RAB31: variants seen among roughly 807,000 people sequenced by gnomAD.
RAB31 encodes the protein ras-related protein Rab-31.
Under a neutral mutation model 25.6 loss-of-function variants are expected in RAB31, and 21 were observed. The ratio of observed to expected loss-of-function variants is 0.82; its 90% CI spans 0.58 to 1.18. The LOEUF is 1.18. RAB31 is among the 50% of genes most tolerant of loss of function. RAB31 has a pLI of 0.00. For synonymous variants in RAB31, 87 were observed against 84.0 expected, an observed-to-expected ratio of 1.04 and a Z score of -0.20; for missense variants, 196 against 250.1, an observed-to-expected ratio of 0.78 and a Z score of 1.46.
intron 1 of RAB31, among the ~76,000 whole-genome samples, chr18:9,716,104 A>C (rs961560541): frequency 5.9e-5 from 9 of 152,088 alleles, no homozygotes; most frequent in Admixed American, 3.3e-4. Flanking sequence ...CATGTATTTC[A>C]TTTGGTTGTC....
chr18:9,813,402 T>C (rs943920103), intron 3 of RAB31, among the ~76,000 whole-genome samples: 3 of 152,210 alleles, frequency 2.0e-5, no homozygotes, highest in South Asian at 4.1e-4. Flanking sequence ...CAGTCAGTTA[T>C]ATTAGAGAAA....
At chr18:9,796,648 G>A (rs1020515127) in intron 3 of RAB31, among the ~76,000 whole-genome samples, 7 of 151,834 alleles carry the variant, frequency 4.6e-5, no homozygotes, top group Non-Finnish European at 7.4e-5. Flanking sequence ...AACTTCTTTC[G>A]TATTTTTTAG....
At chr18:9,740,130 G>C (rs896636985) in intron 1 of RAB31, among the ~76,000 whole-genome samples, 20 of 152,286 alleles carry the variant, frequency 1.3e-4, no homozygotes, top group Non-Finnish European at 2.9e-5. Context: ...CCTTCAGTTC[G>C]GCTGTTGAGC....
intron 1 of RAB31, among the ~76,000 whole-genome samples, chr18:9,738,238 C>G (rs2068160172): frequency 6.6e-6 from 1 of 152,202 alleles, no homozygotes; most frequent in Non-Finnish European, 1.5e-5. Context: ...ATCCCTGTTT[C>G]CTAAAACCCT....
At chr18:9,792,484 C>A (rs2068465758) in intron 3 of RAB31, among the ~76,000 whole-genome samples, 1 of 152,160 alleles carries the variant, frequency 6.6e-6, no homozygotes, top group Non-Finnish European at 1.5e-5. Flanking sequence ...ATTTCTGTTT[C>A]TTTCCATTTA....
chr18:9,806,020 CA>C lies in RAB31; in HGVS notation c.202-7993del, dbSNP rs550940317. On this transcript the variant is annotated intron_variant, in intron 3 of 6. Coordinates refer to ENST00000578921, the MANE Select transcript of RAB31 (RefSeq NM_006868.4). ...AAACCCCGTCTCTACTAAAAAAATA[CA>C]AAAAAAGTAGCCAGGTGTGGTGGCA... Among the ~76,000 whole-genome samples, 38 of 149,558 alleles carry C rather than the reference CA, an allele frequency of 2.5e-4. 1 individual carries two copies. The South Asian group carries it at 8.1e-3, about 32-fold the overall frequency.
intron 1 of RAB31, among the ~76,000 whole-genome samples, chr18:9,770,014 C>T (rs1457385107): frequency 6.6e-6 from 1 of 152,132 alleles, no homozygotes; most frequent in African/African-American, 2.4e-5. Flanking sequence ...TATGTTGAAC[C>T]AGCCTTGCGT....
At chr18:9,819,150 C>A (rs963659067) in intron 5 of RAB31, among the ~76,000 whole-genome samples, 1 of 152,098 alleles carries the variant, frequency 6.6e-6, no homozygotes, top group African/African-American at 2.4e-5. Context: ...ATCTCTTGTT[C>A]ACAAGTGATT....
intron 6 of RAB31, among the ~76,000 whole-genome samples, chr18:9,854,358 C>G (rs904301784): frequency 2.0e-5 from 3 of 152,170 alleles, no homozygotes; most frequent in African/African-American, 7.2e-5. Flanking sequence ...CCCTGATTCC[C>G]CTCGTGCAGG....
At chr18:9,720,127 C>G (rs995823492) in intron 1 of RAB31, among the ~76,000 whole-genome samples, 9 of 152,220 alleles carry the variant, frequency 5.9e-5, no homozygotes, top group African/African-American at 2.2e-4. Flanking sequence ...CCATGCCCGG[C>G]TAATTTTTCT....
At chr18:9,812,476 C>G (rs1042780056) in intron 3 of RAB31, among the ~76,000 whole-genome samples, 4 of 152,140 alleles carry the variant, frequency 2.6e-5, no homozygotes, top group African/African-American at 9.7e-5. Context: ...CAAACCCACA[C>G]CAACACTGAA....
chr18:9,824,216 ATG>A (rs72002062), intron 5 of RAB31, among the ~76,000 whole-genome samples: 1 of 151,182 alleles, frequency 6.6e-6, no homozygotes, highest in African/African-American at 2.4e-5. Context: ...ATGTGTTTGT[ATG>A]TGTGTGTGTA....
intron 2 of RAB31, among the ~76,000 whole-genome samples, chr18:9,784,889 G>A (rs2068424095): frequency 6.6e-6 from 1 of 152,140 alleles, no homozygotes; most frequent in African/African-American, 2.4e-5. Flanking sequence ...CATAGAAAAG[G>A]AAAGATTTCC....
intron 3 of RAB31, among the ~76,000 whole-genome samples, chr18:9,805,374 T>TAC (rs2068535077): frequency 6.6e-6 from 1 of 152,178 alleles, no homozygotes; most frequent in African/African-American, 2.4e-5. Flanking sequence ...CAGAATCTTG[T>TAC]TTCCTTGCCT....
In RAB31 at chr18:9,800,217, G is replaced by A. The variant is rs562532916; in HGVS notation, c.201+7982G>A. Among the ~76,000 whole-genome samples, 50 of 152,294 alleles carry A rather than the reference G, an allele frequency of 3.3e-4. 1 individual carries two copies. In the South Asian group the frequency reaches 8.1e-3, roughly 25 times the overall value. On this transcript the variant is annotated intron_variant, in intron 3 of 6. Transcript: ENST00000578921. The stretch of plus-strand genomic sequence containing the variant: ...TGCGTTCATGAAGAGGTGAAGAGCT[G>A]GGGATAATACTTTCATCTGCCAGCG...
intron 1 of RAB31, among the ~76,000 whole-genome samples, chr18:9,719,298 AAT>A (rs71168101): frequency 0.029 from 679 of 23,056 alleles, 31 homozygotes; most frequent in East Asian, 0.048. Context: ...AAAAAAAAAA[AAT>A]ATATATATAT....
chr18:9,857,144 T>C (rs1316418604), intron 6 of RAB31, among the ~76,000 whole-genome samples: 1 of 152,180 alleles, frequency 6.6e-6, no homozygotes, highest in Non-Finnish European at 1.5e-5. Flanking sequence ...GCTGCAGAAA[T>C]TGTTGCAAAC....
At chr18:9,821,453 T>C (rs1181052535) in intron 5 of RAB31, among the ~76,000 whole-genome samples, 1 of 152,140 alleles carries the variant, frequency 6.6e-6, no homozygotes, top group African/African-American at 2.4e-5. Flanking sequence ...CTTTTTATGA[T>C]AGTTGACACT....
intron 1 of RAB31, among the ~76,000 whole-genome samples, chr18:9,747,715 G>A (rs2068212779): frequency 6.6e-6 from 1 of 152,166 alleles, no homozygotes; most frequent in African/African-American, 2.4e-5. Context: ...GGGGCAATGG[G>A]GAATAACTGC....
Sources: allele counts gnomAD v4.1 joint callset (sites outside exome capture counted in the v4.1 genomes callset), GRCh38; gene constraint gnomAD v4.1.1; transcripts MANE v1.5; gene names NCBI Gene and HGNC (gene_info 2026-07-23, HGNC 2026-07-21).